Variants in PDE10A observed in about 807,000 individuals in gnomAD.
The protein encoded by PDE10A is phosphodiesterase 10A.
Under a neutral mutation model 97.7 loss-of-function variants are expected in PDE10A, and 39 were observed. That is an observed-to-expected ratio of 0.40 (90% confidence interval 0.31 to 0.52). PDE10A has a LOEUF of 0.52. PDE10A is among the 20% of genes least tolerant of loss of function. The pLI, the probability that PDE10A is intolerant of heterozygous loss-of-function variation, is 0.56. For missense variants in PDE10A, 731 were observed against 1,047.8 expected, an observed-to-expected ratio of 0.70 and a Z score of 4.17; for synonymous variants, 371 against 376.8, an observed-to-expected ratio of 0.98 and a Z score of 0.18.
intron 17 of PDE10A, among the ~76,000 whole-genome samples, chr6:165,379,638 A>G (rs1349850341): frequency 6.6e-6 from 1 of 152,234 alleles, no homozygotes; most frequent in Non-Finnish European, 1.5e-5. Flanking sequence ...AACCCCAGTG[A>G]TTTAAATATA....
In PDE10A at chr6:165,349,531, T is replaced by C. The variant is rs571657616; in HGVS notation, c.2784-6029A>G. The stretch of plus-strand genomic sequence containing the variant: ...GTTTGAAAAATGTGCAGCCTGATGA[T>C]GTGGTAGAAAAGAAAAACCAATTTT... On this transcript the variant is annotated intron_variant, in intron 18 of 21. Transcript: ENST00000539869. Among the ~76,000 whole-genome samples the C allele has an allele frequency of 2.0e-5, 3 of 152,254 alleles. No homozygotes were observed. In the South Asian group the frequency reaches 6.2e-4, roughly 32 times the overall value.
At chr6:165,458,863 A>T (rs1311450807) in intron 3 of PDE10A, among the ~76,000 whole-genome samples, 1 of 152,162 alleles carries the variant, frequency 6.6e-6, no homozygotes, top group Non-Finnish European at 1.5e-5. Flanking sequence ...TTAGCTAAAT[A>T]AAAACCCACA....
At chr6:165,738,095 C>T (rs1290847417) in intron 1 of PDE10A, among the ~76,000 whole-genome samples, 1 of 151,502 alleles carries the variant, frequency 6.6e-6, no homozygotes, top group Non-Finnish European at 1.5e-5. Context: ...ATGTGCCATG[C>T]TGGTGTGCTG....
At chr6:165,719,503 T>C (rs939808975) in intron 1 of PDE10A, among the ~76,000 whole-genome samples, 1 of 152,210 alleles carries the variant, frequency 6.6e-6, no homozygotes, top group Non-Finnish European at 1.5e-5. Context: ...TGGTTGAACA[T>C]GTTGTGGTAG....
At chr6:165,536,064 T>C (rs1562558815) in intron 2 of PDE10A, among the ~76,000 whole-genome samples, 1 of 152,040 alleles carries the variant, frequency 6.6e-6, no homozygotes, top group East Asian at 1.9e-4. Context: ...TGGTTTCAAA[T>C]TACAATATAA....
At chr6:165,665,672 A>G (rs1395762331), upstream of PDE10A, among the ~76,000 whole-genome samples, 1 of 152,144 alleles carries the variant, frequency 6.6e-6, no homozygotes, top group Non-Finnish European at 1.5e-5. Context: ...CAGCTGAGGA[A>G]ATTCCAAGCC....
chr6:165,850,934 A>G (rs1304490413), intron 1 of PDE10A, among the ~76,000 whole-genome samples: 2 of 152,234 alleles, frequency 1.3e-5, no homozygotes, highest in African/African-American at 4.8e-5. Flanking sequence ...CAAAAGTAGT[A>G]TCTATGTTGT....
chr6:165,342,745 C>T (rs1370530161), intron 19 of PDE10A, among the ~76,000 whole-genome samples: 2 of 152,186 alleles, frequency 1.3e-5, no homozygotes, highest in African/African-American at 4.8e-5. Context: ...GTATCCGTGA[C>T]TCATTTGGAT....
At chr6:165,425,868 G>A (rs1789113184) in intron 10 of PDE10A, among the ~76,000 whole-genome samples, 1 of 150,608 alleles carries the variant, frequency 6.6e-6, no homozygotes, top group Non-Finnish European at 1.5e-5. Context: ...AAGCTTGCAG[G>A]ATACATAATC....
chr6:165,437,029 T>G (rs1263581599), intron 5 of PDE10A, among the ~76,000 whole-genome samples: 3 of 151,478 alleles, frequency 2.0e-5, no homozygotes, highest in Admixed American at 2.0e-4. Context: ...CTGTCCCTTT[T>G]CTGTACCAAA....
intron 2 of PDE10A, among the ~76,000 whole-genome samples, chr6:165,506,061 C>T (rs1420719253): frequency 2.0e-5 from 3 of 152,082 alleles, no homozygotes; most frequent in East Asian, 1.9e-4. Context: ...GTATTCCTGT[C>T]GGGAAAATGT....
intron 3 of PDE10A, among the ~76,000 whole-genome samples, chr6:165,476,152 T>A (rs1280711572): frequency 4.1e-5 from 6 of 146,950 alleles, no homozygotes; most frequent in African/African-American, 1.3e-4. Flanking sequence ...CCTCAACACA[T>A]AAGACAAAAA....
At chr6:165,794,332 C>G (rs1047450061) in intron 1 of PDE10A, among the ~76,000 whole-genome samples, 1 of 151,520 alleles carries the variant, frequency 6.6e-6, no homozygotes, top group Non-Finnish European at 1.5e-5. Flanking sequence ...ATCACACACT[C>G]ATAAACACCC....
chr6:165,459,156 G>A (rs1325512028), intron 3 of PDE10A, among the ~76,000 whole-genome samples: 4 of 152,222 alleles, frequency 2.6e-5, no homozygotes, highest in East Asian at 1.9e-4. Flanking sequence ...GCCATAATCC[G>A]AAGAAGAGTG....
chr6:165,768,303 T>C (rs1777918335), intron 1 of PDE10A, among the ~76,000 whole-genome samples: 1 of 152,218 alleles, frequency 6.6e-6, no homozygotes, highest in Non-Finnish European at 1.5e-5. Flanking sequence ...TTGTCTATTT[T>C]TTTTTCTGTT....
intron 1 of PDE10A, among the ~76,000 whole-genome samples, chr6:165,720,487 C>T (rs4587147): frequency 0.53 from 80,702 of 151,672 alleles, 21,725 homozygotes; most frequent in Non-Finnish European, 0.58. Flanking sequence ...CTACAGCTGC[C>T]CTACTCCCAA....
At chr6:165,846,358 T>C (rs1398161869) in intron 1 of PDE10A, among the ~76,000 whole-genome samples, 3 of 152,054 alleles carry the variant, frequency 2.0e-5, no homozygotes, top group Non-Finnish European at 4.4e-5. Flanking sequence ...GCAGTTACGG[T>C]GAGTAAATAA....
Position 165,336,119 on chromosome 6 carries a change from A to T in PDE10A, c.3065+4T>A, listed in dbSNP as rs762532390. ...ATTTTTACGGCTTGAACCATAGTAC[A>T]TACCTGCATGCTTTCAGAAGAGGCT... is the stretch of plus-strand genomic sequence containing the variant. On this transcript the variant is annotated splice_donor_region_variant and intron_variant, in intron 21 of 21. Coordinates refer to ENST00000539869, the MANE Select transcript of PDE10A (RefSeq NM_001385079.1). 6 of 1,603,552 alleles carry T rather than the reference A, an allele frequency of 3.7e-6. No homozygotes were observed. The highest frequency in any genetic ancestry group is 4.3e-6 in the Non-Finnish European group (5 of 1,170,652).
chr6:165,387,749 G>A (rs189577499), intron 17 of PDE10A, among the ~76,000 whole-genome samples: 3 of 152,282 alleles, frequency 2.0e-5, no homozygotes, highest in East Asian at 1.9e-4. Context: ...TCACTATGAT[G>A]TAATAGCTAC....
Sources: gnomAD v4.1 joint callset for allele counts (sites outside exome capture counted in the v4.1 genomes callset) on GRCh38, gnomAD v4.1.1 for gene constraint, MANE v1.5 for transcripts, NCBI Gene and HGNC (gene_info 2026-07-23, HGNC 2026-07-21) for gene names.